The following EMC8 variants were observed in gnomAD, a reference collection of about 807,000 sequenced individuals.
EMC8 encodes the protein COX4 neighbor.
EMC8 carries 11 observed loss-of-function variants against 24.3 expected under a neutral mutation model. The observed-to-expected ratio is 0.45, with a 90% CI of 0.28 to 0.75. EMC8 has a LOEUF of 0.75. Among genes scored for constraint, EMC8 ranks in the 30% least tolerant of loss-of-function variants. The probability of loss-of-function intolerance (pLI) is 0.12; values close to 1 mark genes in which losing one functional copy is unlikely to be tolerated. For synonymous variants in EMC8, 145 were observed against 117.7 expected, an observed-to-expected ratio of 1.23 and a Z score of -1.50; for missense variants, 277 against 282.7, an observed-to-expected ratio of 0.98 and a Z score of 0.14.
rs1341461509 is a variant in EMC8 at position 85,779,018 on chromosome 16, G to C, written c.*690C>G. Reference sequence around the variant, plus strand: ...CCCTGCAGGCACGTGAGCTTTCTGCGTGGCTGAAGAGCACCACACTGAGCT... The same window carrying C: ...CCCTGCAGGCACGTGAGCTTTCTGCCTGGCTGAAGAGCACCACACTGAGCT... On this transcript the variant is annotated 3_prime_UTR_variant, in exon 5 of 5. Coordinates refer to ENST00000253457, the MANE Select transcript of EMC8 (RefSeq NM_006067.5). The C allele has an allele frequency of 2.0e-5, 3 of 152,178 alleles. No homozygotes were observed. The highest frequency in any genetic ancestry group is 4.4e-5 in the Non-Finnish European group (3 of 68,042). 9.4% of individuals were successfully genotyped at this position (152,178 alleles called of 1,614,324 possible).
chr16:85,795,629 G>A (rs964009118), intron 1 of EMC8, among the ~76,000 whole-genome samples: 3 of 152,174 alleles, frequency 2.0e-5, no homozygotes, highest in African/African-American at 7.2e-5. Flanking sequence ...CCAAGAGGAC[G>A]GGGAGCTTCC....
At chr16:85,788,822 C>T (rs1904871887) in intron 2 of EMC8, 152 bp downstream of exon 2, 2 of 655,428 alleles carry the variant, frequency 3.1e-6, no homozygotes, top group Non-Finnish European at 5.5e-6. Context: ...GAATTATCCA[C>T]ACCACAGTTC....
chr16:85,782,417 A>C (rs772579443), intron 2 of EMC8, among the ~76,000 whole-genome samples: 3 of 152,170 alleles, frequency 2.0e-5, no homozygotes, highest in Non-Finnish European at 4.4e-5. Context: ...CCATGTCTCC[A>C]AACACAAAGT....
At position 85,779,882 on chromosome 16, in the gene EMC8, T is replaced by A. The variant is rs747278724; in HGVS notation, c.474-15A>T. 1 of 1,613,084 alleles carries A rather than the reference T, an allele frequency of 6.2e-7. No individual in the cohort carries two copies. Among genetic ancestry groups the A allele is most frequent in the Admixed American group, 1.7e-5 (1 of 59,990 alleles). On this transcript the variant is annotated splice_polypyrimidine_tract_variant and intron_variant, in intron 4 of 4. Coordinates refer to ENST00000253457, the MANE Select transcript of EMC8 (RefSeq NM_006067.5). ...CACAGTAGTCACTACGGGTCAAACA[T>A]GAAGAAGTCAGCATCTAACAGTGAA...
chr16:85,782,926 C>T (rs190571995), intron 2 of EMC8, among the ~76,000 whole-genome samples: 2 of 152,332 alleles, frequency 1.3e-5, no homozygotes, highest in African/African-American at 4.8e-5. Flanking sequence ...TTCAGTCTCT[C>T]ACCTTAGGCA....
intron 1 of EMC8, among the ~76,000 whole-genome samples, chr16:85,793,620 C>G (rs914527509): frequency 6.6e-6 from 1 of 152,142 alleles, no homozygotes; most frequent in African/African-American, 2.4e-5. Context: ...AGCCGCCGTG[C>G]AGAGGAGCAG....
chr16:85,798,859 G>A (rs1156755864), intron 1 of EMC8: 1 of 522,812 alleles, frequency 1.9e-6, no homozygotes, highest in South Asian at 2.9e-5. Context: ...CATCCACGAC[G>A]GTTAAAGTCG....
chr16:85,787,268 T>C (rs1904797632), intron 2 of EMC8, among the ~76,000 whole-genome samples: 1 of 152,152 alleles, frequency 6.6e-6, no homozygotes. Flanking sequence ...ACGTCTGCAC[T>C]TGACAAGGCC....
intron 2 of EMC8, among the ~76,000 whole-genome samples, chr16:85,784,200 G>A (rs1346689228): frequency 1.3e-5 from 2 of 152,066 alleles, no homozygotes; most frequent in Admixed American, 6.6e-5. Context: ...GGGTTTCACC[G>A]TGTTAGCCAG....
rs1904358705 is a variant in EMC8 at position 85,778,754 on chromosome 16, G to A, written c.*954C>T. The stretch of plus-strand genomic sequence containing the variant: ...ACCGATCGTTACAAATTCCTCCATG[G>A]AGTCAAAGAAAAGACAGTAGGAAAG... On this transcript the variant is annotated 3_prime_UTR_variant, in exon 5 of 5. Coordinates refer to ENST00000253457, the MANE Select transcript of EMC8 (RefSeq NM_006067.5). 1 of 152,112 alleles carries A rather than the reference G, an allele frequency of 6.6e-6. No individual in the cohort carries two copies. The highest frequency in any genetic ancestry group is 1.5e-5 in the Non-Finnish European group (1 of 68,014). The allele number at this position is 152,112 out of a possible 1,614,324, so 9.4% of individuals were successfully genotyped here. A position where few individuals can be genotyped will look rare whatever the true frequency, so the allele number is the denominator to read the frequency against.
chr16:85,795,660 G>A (rs1347856746), intron 1 of EMC8, among the ~76,000 whole-genome samples: 2 of 152,078 alleles, frequency 1.3e-5, no homozygotes, highest in African/African-American at 4.8e-5. Flanking sequence ...CCCATACCTC[G>A]CCCTATGTGT....
intron 2 of EMC8, among the ~76,000 whole-genome samples, chr16:85,783,346 A>C (rs1904600426): frequency 6.6e-6 from 1 of 152,130 alleles, no homozygotes; most frequent in African/African-American, 2.4e-5. Context: ...AGGCTGGAGC[A>C]TGGTGGCTAT....
intron 1 of EMC8, among the ~76,000 whole-genome samples, chr16:85,796,873 C>T (rs559868772): frequency 1.9e-4 from 29 of 152,338 alleles, no homozygotes; most frequent in South Asian, 4.1e-4. Context: ...TTTTACTAAG[C>T]TCCGCCTGTG....
In EMC8 at chr16:85,799,169, G is replaced by A; in HGVS notation, c.127C>T (p.Pro43Ser). 2 of 1,611,376 alleles carry A rather than the reference G, an allele frequency of 1.2e-6. No individual in the cohort carries two copies. The highest frequency in any genetic ancestry group is 1.7e-6 in the Non-Finnish European group (2 of 1,179,014). The change falls in exon 1 of 5, where the codon CCC (proline) becomes TCC (serine). Residue 43 changes from proline (P) to serine (S), a missense_variant. Coordinates refer to ENST00000253457, the MANE Select transcript of EMC8 (RefSeq NM_006067.5). This position sits in a 1 kb window ranked among gnomAD's most constrained non-coding sequence, Gnocchi z 4.2. ...EKQKPRKEHL[P>S]LGGPGAHHTL... ...TGGTGGGCGCCGGGGCCGCCCAGGG[G>A]GAGGTGCTCCTTACGCGGCTTCTGC...
Position 85,780,403 on chromosome 16 carries a change from C to T in EMC8, c.449G>A (p.Arg150Lys). The change falls in exon 4 of 5, where the codon AGA (arginine) becomes AAA (lysine). Residue 150 changes from arginine (R) to lysine (K), a missense_variant. Coordinates refer to ENST00000253457, the MANE Select transcript of EMC8 (RefSeq NM_006067.5). ...TIHVYEHHEN[R>K]WRCRDPHHDY... ...CTGGTGTGGGTCTCTGCACCGCCAT[C>T]TGTTCTCATGGTGCTCGTACACGTG... 2 of 1,614,206 alleles carry T rather than the reference C, an allele frequency of 1.2e-6. No homozygotes were observed. Among genetic ancestry groups the T allele is most frequent in the Non-Finnish European group, 1.7e-6 (2 of 1,179,998 alleles).
intron 2 of EMC8, chr16:85,787,536 G>C (rs1038068067): frequency 3.9e-5 from 6 of 152,414 alleles, no homozygotes; most frequent in African/African-American, 1.4e-4. Flanking sequence ...CCGTGGGTAG[G>C]CTCTCGCTCA....
chr16:85,780,198 T>A (rs527277853), intron 4 of EMC8, 181 bp downstream of exon 4: 2 of 619,056 alleles, frequency 3.2e-6, no homozygotes, highest in African/African-American at 3.7e-5. Flanking sequence ...TGGGTACCAC[T>A]GAGGTTCCCT....
At chr16:85,784,732 T>C (rs1335767431) in intron 2 of EMC8, 1 of 152,184 alleles carries the variant, frequency 6.6e-6, no homozygotes, top group South Asian at 2.1e-4. Context: ...TCAGGAGGCC[T>C]GCCCATGTAC....
intron 2 of EMC8, among the ~76,000 whole-genome samples, chr16:85,788,374 C>A (rs1257842908): frequency 1.3e-5 from 2 of 152,276 alleles, no homozygotes; most frequent in African/African-American, 2.4e-5. Context: ...TTGTCAACAG[C>A]CTGCTTATTA....
Sources: allele counts gnomAD v4.1 joint callset (sites outside exome capture counted in the v4.1 genomes callset), GRCh38; gene constraint gnomAD v4.1.1; non-coding constraint Gnocchi (gnomAD v3.1); transcripts MANE v1.5; gene names NCBI Gene and HGNC (gene_info 2026-07-23, HGNC 2026-07-21).